NEK4: variants seen among roughly 807,000 people sequenced by gnomAD.
The protein encoded by NEK4 is NIMA related kinase 4, also known as serine/threonine-protein kinase Nek4.
NEK4 carries 86 observed loss-of-function variants against 98.4 expected under a neutral mutation model. The observed-to-expected ratio is 0.87, with a 90% CI of 0.73 to 1.05. The LOEUF (loss-of-function observed/expected upper bound fraction) is 1.05. Among genes scored for constraint, NEK4 ranks in the 50% least tolerant of loss-of-function variants. NEK4 has a pLI of 0.00. For synonymous variants in NEK4, 328 were observed against 342.2 expected (o/e 0.96, Z 0.46); for missense variants, 898 against 950.3 (o/e 0.94, Z 0.72).
At chr3:52,750,297 C>T (rs2097402928) in intron 7 of NEK4, among the ~76,000 whole-genome samples, 2 of 152,164 alleles carry the variant, frequency 1.3e-5, no homozygotes, top group Non-Finnish European at 2.9e-5. Context: ...CCTGTAATCC[C>T]AGCACTTTGG....
intron 15 of NEK4, among the ~76,000 whole-genome samples, chr3:52,722,625 G>A (rs1349972162): frequency 2.0e-5 from 3 of 152,052 alleles, no homozygotes; most frequent in East Asian, 1.9e-4. Context: ...TGATGTGGCC[G>A]GGCACGGTGA....
At chr3:52,750,603 C>A (rs1020758840) in intron 7 of NEK4, among the ~76,000 whole-genome samples, 5 of 152,000 alleles carry the variant, frequency 3.3e-5, no homozygotes, top group African/African-American at 1.2e-4. Context: ...CACAGGCACA[C>A]AAATACAAAT....
intron 6 of NEK4, 151 bp from the exon 7 acceptor site, chr3:52,752,487 C>G (rs1221118579): frequency 1.4e-6 from 1 of 707,968 alleles, no homozygotes; most frequent in East Asian, 2.6e-5. Flanking sequence ...ATCCAAGGAA[C>G]TGAAAGCAGG....
At chr3:52,735,430 GTTA>G (rs1194200602) in intron 15 of NEK4, among the ~76,000 whole-genome samples, 1 of 152,110 alleles carries the variant, frequency 6.6e-6, no homozygotes, top group Non-Finnish European at 1.5e-5. Flanking sequence ...TGTACTGAGG[GTTA>G]TTATTTATGT....
rs568065591 is a variant in NEK4 at position 52,730,687 on chromosome 3, T to C, written c.2433+6899A>G. ...GTGGGAAGTATCCCCTCTTAAAGTA[T>C]TCTGGAAGACTTTATGCAGGATTGG... is the stretch of plus-strand genomic sequence containing the variant. On this transcript the variant is annotated intron_variant, in intron 15 of 15. Transcript: ENST00000233027. Among the ~76,000 whole-genome samples the C allele has an allele frequency of 3.9e-5, 6 of 152,352 alleles. No homozygotes were observed. In the South Asian group the frequency reaches 1.2e-3, roughly 32 times the overall value.
rs148965312 is a variant in NEK4 at position 52,752,933 on chromosome 3, T to TATATATACACACACACAC, written c.964-598_964-597insGTGTGTGTGTGTATATAT. Among the ~76,000 whole-genome samples, 647 of 74,564 alleles carry TATATATACACACACACAC rather than the reference T, an allele frequency of 8.7e-3. 15 individuals carry two copies. The highest frequency in any genetic ancestry group is 0.013 in the Non-Finnish European group (506 of 38,138). The allele number at this position is 74,564 out of a possible 152,430, so 48.9% of individuals were successfully genotyped here. On this transcript the variant is annotated intron_variant, in intron 6 of 15. Coordinates refer to ENST00000233027, the MANE Select transcript of NEK4 (RefSeq NM_003157.6). ...AAAAAAAAAAATATATATATATATA[T>TATATATACACACACACAC]ACACACACACACACACACACAATGG... is the stretch of plus-strand genomic sequence containing the variant.
rs1459127651 is a variant in NEK4, at chr3:52,749,846, G to C, written c.1369-17C>G. On this transcript the variant is annotated splice_polypyrimidine_tract_variant and intron_variant, in intron 7 of 15. Coordinates refer to ENST00000233027, the MANE Select transcript of NEK4 (RefSeq NM_003157.6). Reference sequence around the variant, plus strand: ...GGCAAGACTCTGTCTCAAAAAAAAAGAAAAAGAAAAACATGTTCAACATCA... The same window carrying C: ...GGCAAGACTCTGTCTCAAAAAAAAACAAAAAGAAAAACATGTTCAACATCA... 1.3e-5 allele frequency: 2 copies of C among 158,676 alleles called. No individual in the cohort carries two copies. The highest frequency in any genetic ancestry group is 4.8e-5 in the African/African-American group (2 of 41,478). 9.8% of individuals were successfully genotyped at this position (158,676 alleles called of 1,614,324 possible).
intron 12 of NEK4, among the ~76,000 whole-genome samples, chr3:52,742,773 GTTAT>G (rs1047090657): frequency 6.6e-6 from 1 of 152,048 alleles, no homozygotes; most frequent in Non-Finnish European, 1.5e-5. Flanking sequence ...AGAAAGTTCT[GTTAT>G]TTATTTACTT....
Position 52,744,305 on chromosome 3 carries a change from C to G in NEK4, c.1828G>C (p.Asp610His), listed in dbSNP as rs183334039. 1.9e-5 allele frequency: 31 copies of G among 1,612,576 alleles called. No homozygotes were observed. In the Admixed American group the frequency reaches 4.3e-4, roughly 23 times the overall value. The change falls in exon 11 of 16, where the codon GAT becomes CAT. Residue 610 changes from aspartate (D) to histidine (H), a missense_variant and splice_region_variant. By Grantham distance (81) the Asp-to-His change is moderately conservative. Transcript: ENST00000233027. Reference sequence around the variant, plus strand: ...CTCTCTCTGGCTGATAATGGTCGATCCTTTAAAAGAAAGTCACAGAGTCAC... The same window carrying G: ...CTCTCTCTGGCTGATAATGGTCGATGCTTTAAAAGAAAGTCACAGAGTCAC... ...SRSSEMSSSK[D>H]RPLSARERRR...
chr3:52,765,829 C>CT (rs1329388311), intron 4 of NEK4, 58 bp downstream of exon 4: 1 of 999,004 alleles, frequency 1.0e-6, no homozygotes, highest in East Asian at 2.4e-5. Flanking sequence ...TTGCTAGTAG[C>CT]TATTTATAAA....
At chr3:52,716,776 G>T (rs929341755) in intron 15 of NEK4, among the ~76,000 whole-genome samples, 3 of 152,202 alleles carry the variant, frequency 2.0e-5, no homozygotes, top group Non-Finnish European at 4.4e-5. Flanking sequence ...TTTGACAGAA[G>T]AAACATTTAT....
At chr3:52,758,030 T>G (rs1348797319) in intron 6 of NEK4, among the ~76,000 whole-genome samples, 1 of 151,212 alleles carries the variant, frequency 6.6e-6, no homozygotes, top group African/African-American at 2.4e-5. Flanking sequence ...ACAAAAAAAA[T>G]TAGCCAGATG....
At chr3:52,755,569 C>T (rs1180163934) in intron 6 of NEK4, among the ~76,000 whole-genome samples, 2 of 151,550 alleles carry the variant, frequency 1.3e-5, no homozygotes, top group Non-Finnish European at 2.9e-5. Flanking sequence ...TATGAAACAC[C>T]CACAGTAAAC....
chr3:52,732,341 C>T (rs2154102906), intron 15 of NEK4, among the ~76,000 whole-genome samples: 1 of 152,208 alleles, frequency 6.6e-6, no homozygotes, highest in Admixed American at 6.5e-5. Flanking sequence ...CTACAGATGC[C>T]CGCCACTGCG....
chr3:52,770,047 C>T (rs1698718274), intron 1 of NEK4, among the ~76,000 whole-genome samples: 1 of 152,038 alleles, frequency 6.6e-6, no homozygotes, highest in South Asian at 2.1e-4. Flanking sequence ...GGCCTATTGT[C>T]TTAGTGATAG....
At chr3:52,722,573 T>A (rs1366781715) in intron 15 of NEK4, among the ~76,000 whole-genome samples, 1 of 151,742 alleles carries the variant, frequency 6.6e-6, no homozygotes, top group Non-Finnish European at 1.5e-5. Context: ...AAGAAATCAA[T>A]AGAAATTGTC....
rs748372393 is a variant in NEK4, at chr3:52,737,578, A to G, written c.2433+8T>C. ...TAAGCATCTTGATACAGTTAATGAG[A>G]CACTCACCTCTCTATCAAATTCATC... On this transcript the variant is annotated splice_region_variant and intron_variant, in intron 15 of 15. Coordinates refer to ENST00000233027, the MANE Select transcript of NEK4 (RefSeq NM_003157.6). 1.2e-6 allele frequency: 2 copies of G among 1,613,640 alleles called. No homozygotes were observed. Among genetic ancestry groups the G allele is most frequent in the Non-Finnish European group, 1.7e-6 (2 of 1,179,598 alleles).
At position 52,710,612 on chromosome 3, in the gene NEK4, A is replaced by C. The variant is rs2154101547; in HGVS notation, c.*1165T>G. On this transcript the variant is annotated 3_prime_UTR_variant, in exon 16 of 16. Coordinates refer to ENST00000233027, the MANE Select transcript of NEK4 (RefSeq NM_003157.6). ...CCCTGTCTCTACAAAAAATACAAAA[A>C]CTAGCCAGGTGTGGTGGCACACGCC... 6.6e-6 allele frequency: 1 copy of C among 152,102 alleles called. No homozygotes were observed. Among genetic ancestry groups the C allele is most frequent in the East Asian group, 1.9e-4 (1 of 5,166 alleles). 9.4% of individuals were successfully genotyped at this position (152,102 alleles called of 1,614,324 possible).
At chr3:52,733,360 T>A in intron 15 of NEK4, 1 of 368,812 alleles carries the variant, frequency 2.7e-6, no homozygotes, top group Admixed American at 3.3e-5. Context: ...GAGAGAGGCC[T>A]CGCAAATGTA....
Sources: gnomAD v4.1 joint callset for allele counts (sites outside exome capture counted in the v4.1 genomes callset) on GRCh38, gnomAD v4.1.1 for gene constraint, MANE v1.5 for transcripts, NCBI Gene and HGNC (gene_info 2026-07-23, HGNC 2026-07-21) for gene names.